Variants in RAB28 observed in about 807,000 individuals in gnomAD.
The protein encoded by RAB28 is ras-related protein Rab-28.
Under a neutral mutation model 31.7 loss-of-function variants are expected in RAB28, and 24 were observed. That is an observed-to-expected ratio of 0.76 (90% CI 0.55 to 1.06). RAB28 has a LOEUF of 1.06. Among genes scored for constraint, RAB28 ranks in the 50% least tolerant of loss-of-function variants. The pLI, the probability that RAB28 is intolerant of heterozygous loss-of-function variation, is 0.00. For synonymous variants in RAB28, 100 were observed against 90.4 expected, an observed-to-expected ratio of 1.11 and a Z score of -0.60; for missense variants, 254 against 258.5, an observed-to-expected ratio of 0.98 and a Z score of 0.12.
chr4:13,393,570 C>T (rs770682114), intron 4 of RAB28, among the ~76,000 whole-genome samples: 2 of 152,158 alleles, frequency 1.3e-5, no homozygotes, highest in African/African-American at 2.4e-5. Context: ...ATTGACTACA[C>T]GGACTGAAAA....
intron 4 of RAB28, among the ~76,000 whole-genome samples, chr4:13,457,134 A>G (rs1198164713): frequency 6.6e-6 from 1 of 152,178 alleles, no homozygotes; most frequent in Admixed American, 6.5e-5. Flanking sequence ...AAATTTTAAA[A>G]CCACATTTAG....
At chr4:13,412,429 C>A (rs1712491196) in intron 4 of RAB28, among the ~76,000 whole-genome samples, 1 of 151,720 alleles carries the variant, frequency 6.6e-6, no homozygotes, top group Non-Finnish European at 1.5e-5. Context: ...GGGGGAAGAA[C>A]AATTAAAATA....
At position 13,377,822 on chromosome 4, in the gene RAB28, A is replaced by G. The variant is rs147268708; in HGVS notation, c.496-1200T>C. 2.9e-3 allele frequency among the ~76,000 whole-genome samples: 441 copies of G among 152,342 alleles called. 3 individuals carry two copies. Among genetic ancestry groups the G allele is most frequent in the African/African-American group, 0.01 (424 of 41,590 alleles). Reference sequence around the variant, plus strand: ...GTAAGAAACAGTCATCAGGTTCTGGATATATTTTCAAAGTACAGCCAAGGG... The same window carrying G: ...GTAAGAAACAGTCATCAGGTTCTGGGTATATTTTCAAAGTACAGCCAAGGG... On this transcript the variant is annotated intron_variant, in intron 5 of 6. Transcript: ENST00000330852.
chr4:13,450,333 T>C (rs1361441537), intron 4 of RAB28, among the ~76,000 whole-genome samples: 1 of 151,874 alleles, frequency 6.6e-6, no homozygotes, highest in Non-Finnish European at 1.5e-5. Context: ...ATTTCAAACA[T>C]GATCTAGTAT....
At chr4:13,376,691 T>C (rs1728935395) in intron 5 of RAB28, 69 bp from the exon 6 acceptor site, 7 of 1,079,706 alleles carry the variant, frequency 6.5e-6, no homozygotes, top group Non-Finnish European at 9.3e-6. Flanking sequence ...ATAAACAGAA[T>C]TTTCTTAAAA....
intron 4 of RAB28, among the ~76,000 whole-genome samples, chr4:13,435,970 C>T (rs1029213514): frequency 6.6e-6 from 1 of 152,010 alleles, no homozygotes; most frequent in Admixed American, 6.6e-5. Context: ...TCTACAAAAA[C>T]AGTGGCAAAT....
At chr4:13,401,490 C>G (rs1560277871) in intron 4 of RAB28, among the ~76,000 whole-genome samples, 1 of 152,054 alleles carries the variant, frequency 6.6e-6, no homozygotes, top group Non-Finnish European at 1.5e-5. Flanking sequence ...CAAAACTGCA[C>G]ATTCTGCACA....
Position 13,482,959 on chromosome 4 carries a change from G to C in RAB28, c.75+1117C>G, listed in dbSNP as rs142422105. On this transcript the variant is annotated intron_variant, in intron 1 of 6. Coordinates refer to ENST00000330852, the MANE Select transcript of RAB28 (RefSeq NM_001017979.3). The stretch of plus-strand genomic sequence containing the variant: ...AGGGTCCGAAATGCAACCAGCAACA[G>C]GGAAATGTGAAGCCTTAAACAGGAA... 2.3e-4 allele frequency among the ~76,000 whole-genome samples: 35 copies of C among 152,264 alleles called. No individual in the cohort carries two copies. The East Asian group carries it at 6.8e-3, about 29-fold the overall frequency.
chr4:13,401,063 A>G (rs539320530), intron 4 of RAB28, among the ~76,000 whole-genome samples: 34 of 152,308 alleles, frequency 2.2e-4, no homozygotes, highest in African/African-American at 7.7e-4. Flanking sequence ...AGATTATTAT[A>G]TCGGTGTCAT....
chr4:13,404,150 G>A (rs753027519), intron 4 of RAB28, among the ~76,000 whole-genome samples: 15 of 152,142 alleles, frequency 9.9e-5, no homozygotes, highest in African/African-American at 1.2e-4. Context: ...AGGCCAAGGC[G>A]GGAGGATCAC....
intron 2 of RAB28, among the ~76,000 whole-genome samples, chr4:13,475,405 A>G (rs1416189449): frequency 3.3e-5 from 5 of 151,640 alleles, no homozygotes; most frequent in African/African-American, 1.2e-4. Context: ...AGAAAATAAA[A>G]GATTAGAAAC....
At chr4:13,409,325 C>T (rs528871604) in intron 4 of RAB28, among the ~76,000 whole-genome samples, 4 of 152,126 alleles carry the variant, frequency 2.6e-5, no homozygotes, top group Admixed American at 1.3e-4. Context: ...AAGTCTTAGG[C>T]GGTACATTAT....
chr4:13,402,074 A>T (rs560195347), intron 4 of RAB28, among the ~76,000 whole-genome samples: 1 of 152,334 alleles, frequency 6.6e-6, no homozygotes, highest in East Asian at 1.9e-4. Context: ...TTTTTCTGTT[A>T]CTGATTTCTA....
At chr4:13,459,946 C>T in intron 4 of RAB28, 1 of 1,272,116 alleles carries the variant, frequency 7.9e-7, no homozygotes, top group Non-Finnish European at 1.0e-6. Context: ...CCAAAACACA[C>T]ACTGTCAGAA....
intron 4 of RAB28, among the ~76,000 whole-genome samples, chr4:13,400,173 T>C (rs1379877250): frequency 1.3e-5 from 2 of 152,316 alleles, no homozygotes; most frequent in South Asian, 2.1e-4. Context: ...GTTCCACTTA[T>C]GTGAGGATTT....
intron 4 of RAB28, among the ~76,000 whole-genome samples, chr4:13,406,247 C>A (rs1388266038): frequency 6.6e-6 from 1 of 152,110 alleles, no homozygotes; most frequent in Non-Finnish European, 1.5e-5. Context: ...TGAGAACATG[C>A]AGTGTTTGGT....
intron 4 of RAB28, among the ~76,000 whole-genome samples, chr4:13,457,613 GA>G (rs569696878): frequency 4.3e-4 from 61 of 141,290 alleles, no homozygotes; most frequent in Non-Finnish European, 5.6e-4. Flanking sequence ...AAAGAAAAAA[GA>G]AAAAAAAAAA....
At chr4:13,479,584 G>T in intron 1 of RAB28, 58 bp from the exon 2 acceptor site, 1 of 1,133,014 alleles carries the variant, frequency 8.8e-7, no homozygotes, top group Non-Finnish European at 1.3e-6. Flanking sequence ...GTAATCATAA[G>T]ACCACTATAA....
At chr4:13,376,366 G>A (rs1728922196) in intron 6 of RAB28, among the ~76,000 whole-genome samples, 179 bp downstream of exon 6, 1 of 151,910 alleles carries the variant, frequency 6.6e-6, no homozygotes, top group African/African-American at 2.4e-5. Flanking sequence ...ATCATAATTT[G>A]GCAAAAAGTT....
Sources: gnomAD v4.1 joint callset for allele counts (sites outside exome capture counted in the v4.1 genomes callset) on GRCh38, gnomAD v4.1.1 for gene constraint, MANE v1.5 for transcripts, NCBI Gene and HGNC (gene_info 2026-07-23, HGNC 2026-07-21) for gene names.